Variants in FAM228B observed in about 807,000 individuals in gnomAD.
The protein encoded by FAM228B is family with sequence similarity 228 member B.
FAM228B carries 38 observed loss-of-function variants against 42.6 expected under a neutral mutation model. That is an observed-to-expected ratio of 0.89 (90% CI 0.69 to 1.17). The LOEUF (loss-of-function observed/expected upper bound fraction) is 1.17, where lower values mean the gene tolerates loss of function less well. Among genes scored for constraint, FAM228B ranks in the 50% most tolerant of loss-of-function variants. FAM228B has a pLI of 0.00. For synonymous variants in FAM228B, 109 were observed against 122.3 expected (o/e 0.89, Z 0.72); for missense variants, 344 against 367.3 (o/e 0.94, Z 0.52).
intron 9 of FAM228B, chr2:24,166,051 A>AC (rs1341009953): frequency 9.8e-6 from 1 of 102,310 alleles, no homozygotes; most frequent in Non-Finnish European, 1.9e-5. Context: ...TAAAAAAAAA[A>AC]AAAATATATA....
chr2:24,135,301 G>T, intron 3 of FAM228B, 114 bp downstream of exon 3: 2 of 630,928 alleles, frequency 3.2e-6, no homozygotes, highest in Non-Finnish European at 5.3e-6. Context: ...AGAATTAAAA[G>T]AACACTCCCT....
rs1241005921 is a variant in FAM228B at position 24,169,319 on chromosome 2, AC to A, written c.*15-35del. The A allele has an allele frequency of 4.3e-6, 2 of 461,960 alleles. No individual in the cohort carries two copies. The highest frequency in any genetic ancestry group is 9.1e-6 in the Non-Finnish European group (2 of 220,046). 28.6% of individuals were successfully genotyped at this position (461,960 alleles called of 1,614,324 possible). A position where few individuals can be genotyped will look rare whatever the true frequency, so the allele number is the denominator to read the frequency against. On this transcript the variant is annotated intron_variant, in intron 10 of 10. Coordinates refer to ENST00000615575, the MANE Select transcript of FAM228B (RefSeq NM_001145710.2). This position sits in a 1 kb window ranked among gnomAD's most constrained non-coding sequence, Gnocchi z 4.2. ...GCTCTCGTAAGCCCCTCATCCCCAT[AC>A]CACACTCAACTCTTCCCTTTTGTCA...
chr2:24,093,870 G>C (rs1206155066), intron 2 of FAM228B, among the ~76,000 whole-genome samples: 1 of 151,876 alleles, frequency 6.6e-6, no homozygotes, highest in Non-Finnish European at 1.5e-5. Context: ...GCCCACCTCA[G>C]ACTCCCAAAG....
At chr2:24,151,309 CAG>C (rs1306181881) in intron 7 of FAM228B, among the ~76,000 whole-genome samples, 1 of 150,738 alleles carries the variant, frequency 6.6e-6, no homozygotes, top group Non-Finnish European at 1.5e-5. Flanking sequence ...TTTTTTGAGA[CAG>C]AGTCTTGCTC....
At chr2:24,158,285 T>G (rs1462870944) in intron 7 of FAM228B, among the ~76,000 whole-genome samples, 1 of 145,162 alleles carries the variant, frequency 6.9e-6, no homozygotes, top group Non-Finnish European at 1.5e-5. Flanking sequence ...TTCCAGGTGG[T>G]CACCTCCTGT....
At chr2:24,155,689 C>T (rs529454032) in intron 7 of FAM228B, among the ~76,000 whole-genome samples, 145 of 151,082 alleles carry the variant, frequency 9.6e-4, no homozygotes, top group African/African-American at 3.3e-3. Flanking sequence ...TACAGGCATC[C>T]GCCACCACGC....
chr2:24,168,644 G>A (rs993254638), intron 10 of FAM228B, among the ~76,000 whole-genome samples: 1 of 152,116 alleles, frequency 6.6e-6, no homozygotes, highest in Non-Finnish European at 1.5e-5. Context: ...GGCTGGAGAA[G>A]GTAAGGTAAG....
chr2:24,138,716 G>A (rs1169608325), intron 4 of FAM228B, among the ~76,000 whole-genome samples: 1 of 151,382 alleles, frequency 6.6e-6, no homozygotes, highest in African/African-American at 2.4e-5. Flanking sequence ...AGCACTTTGG[G>A]AGGCCAAAGC....
chr2:24,155,263 C>T (rs985146504), intron 7 of FAM228B, among the ~76,000 whole-genome samples: 1 of 151,882 alleles, frequency 6.6e-6, no homozygotes, highest in African/African-American at 2.4e-5. Context: ...TCCAGTCACA[C>T]TGTTTGTTTC....
intron 3 of FAM228B, among the ~76,000 whole-genome samples, chr2:24,101,823 C>T (rs1254168281): frequency 6.6e-6 from 1 of 152,204 alleles, no homozygotes; most frequent in Non-Finnish European, 1.5e-5. Context: ...GCTGGGACTA[C>T]AAGCGCTCAC....
At chr2:24,136,053 CTTTTTTTTTT>C (rs5829917) in intron 3 of FAM228B, among the ~76,000 whole-genome samples, 2 of 35,794 alleles carry the variant, frequency 5.6e-5, no homozygotes, top group South Asian at 1.9e-3. Flanking sequence ...GATAACCCTT[CTTTTTTTTTT>C]TTTTTTTTTT....
At chr2:24,099,547 A>G (rs1269666960) in intron 3 of FAM228B, among the ~76,000 whole-genome samples, 3 of 152,200 alleles carry the variant, frequency 2.0e-5, no homozygotes, top group Non-Finnish European at 4.4e-5. Flanking sequence ...AATACCTAGG[A>G]ATCCAACTTA....
At chr2:24,081,674 G>T (rs908330449) in intron 2 of FAM228B, among the ~76,000 whole-genome samples, 1 of 151,118 alleles carries the variant, frequency 6.6e-6, no homozygotes, top group Non-Finnish European at 1.5e-5. Context: ...GCAGTGGCTG[G>T]TCTCACCTTG....
chr2:24,122,964 T>C (rs1666169130), upstream of FAM228B: 1 of 154,196 alleles, frequency 6.5e-6, no homozygotes. Flanking sequence ...AGATTATGCG[T>C]GGCCATAAAC....
upstream of FAM228B, chr2:24,122,419 A>C (rs752312783): frequency 1.2e-6 from 2 of 1,606,790 alleles, no homozygotes; most frequent in Admixed American, 3.4e-5. Flanking sequence ...TTTTTCTTAC[A>C]TTGAAACCTG....
chr2:24,159,169 A>G (rs1488218032), intron 7 of FAM228B, among the ~76,000 whole-genome samples: 1 of 152,206 alleles, frequency 6.6e-6, no homozygotes, highest in East Asian at 1.9e-4. Flanking sequence ...ACCTGATAAC[A>G]TCTGCAAAGA....
intron 3 of FAM228B, among the ~76,000 whole-genome samples, chr2:24,137,448 A>G (rs182186527): frequency 1.3e-5 from 2 of 152,312 alleles, no homozygotes; most frequent in Admixed American, 1.3e-4. Context: ...TCCATCATAT[A>G]TAAATATACA....
intron 7 of FAM228B, among the ~76,000 whole-genome samples, chr2:24,158,930 T>C (rs902235004): frequency 6.6e-6 from 1 of 152,228 alleles, no homozygotes; most frequent in African/African-American, 2.4e-5. Flanking sequence ...GTCCAGGTAC[T>C]GGCAGGGCCA....
chr2:24,084,395 G>GCAGGACAGGA lies in FAM228B; in HGVS notation c.-210+3444_-210+3445insACAGGACAGG. The GCAGGACAGGA allele has an allele frequency of 6.7e-7, 1 of 1,488,346 alleles. No homozygotes were observed. Among genetic ancestry groups the GCAGGACAGGA allele is most frequent in the South Asian group, 1.3e-5 (1 of 79,002 alleles). The allele number at this position is 1,488,346 out of a possible 1,614,324, so 92.2% of individuals were successfully genotyped here. On this transcript the variant is annotated intron_variant, in intron 2 of 10. Transcript: ENST00000613899. The surrounding 1 kb of genome is among the most constrained non-coding windows in gnomAD (Gnocchi z 8.4). Reference sequence around the variant, plus strand: ...GCAGGGCAGGGCAGGACAGGACAGGGCAGGGCAGGACAGGACAGGGCAGGG... The same window carrying GCAGGACAGGA: ...GCAGGGCAGGGCAGGACAGGACAGGGCAGGACAGGACAGGGCAGGACAGGACAGGGCAGGG...
Sources: allele counts gnomAD v4.1 joint callset (sites outside exome capture counted in the v4.1 genomes callset), GRCh38; gene constraint gnomAD v4.1.1; non-coding constraint Gnocchi (gnomAD v3.1); transcripts MANE v1.5; gene names NCBI Gene and HGNC (gene_info 2026-07-23, HGNC 2026-07-21).